ATG5: variants seen among roughly 807,000 people sequenced by gnomAD.
ATG5 encodes the protein autophagy related 5, also known as autophagy protein 5.
Under a neutral mutation model 36.5 loss-of-function variants are expected in ATG5, and 14 were observed. That is an observed-to-expected ratio of 0.38 (90% confidence interval 0.25 to 0.60). The LOEUF is 0.60. ATG5 is among the 20% of genes least tolerant of loss of function. The probability of loss-of-function intolerance (pLI) is 0.60; values close to 1 mark genes in which losing one functional copy is unlikely to be tolerated. For missense variants in ATG5, 195 were observed against 326.7 expected (o/e 0.60, Z 3.11); for synonymous variants, 95 against 101.5 (o/e 0.94, Z 0.38).
intron 1 of ATG5, among the ~76,000 whole-genome samples, chr6:106,319,758 G>A (rs1770993325): frequency 6.6e-6 from 1 of 152,154 alleles, no homozygotes; most frequent in Admixed American, 6.5e-5. Flanking sequence ...ATTCCGTTAG[G>A]GAGAAGGATC....
chr6:106,280,586 A>G (rs1693187629), intron 4 of ATG5, among the ~76,000 whole-genome samples: 1 of 152,282 alleles, frequency 6.6e-6, no homozygotes, highest in African/African-American at 2.4e-5. Flanking sequence ...ATCATTGGAC[A>G]TATAGGGAGT....
intron 5 of ATG5, among the ~76,000 whole-genome samples, chr6:106,277,019 C>T (rs977998243): frequency 6.6e-6 from 1 of 152,044 alleles, no homozygotes; most frequent in African/African-American, 2.4e-5. Context: ...GGAGTGACTC[C>T]ATGTAACCTA....
At chr6:106,200,118 A>G (rs1021867892) in intron 7 of ATG5, among the ~76,000 whole-genome samples, 1 of 152,162 alleles carries the variant, frequency 6.6e-6, no homozygotes, top group Non-Finnish European at 1.5e-5. Context: ...TGCTAGTATA[A>G]GCAAGCATAC....
intron 3 of ATG5, among the ~76,000 whole-genome samples, chr6:106,299,164 G>A (rs531192319): frequency 6.6e-6 from 1 of 152,232 alleles, no homozygotes; most frequent in African/African-American, 2.4e-5. Context: ...GACCTAGCTG[G>A]ATACCAAAAT....
At chr6:106,315,349 A>G (rs1401305046) in intron 2 of ATG5, among the ~76,000 whole-genome samples, 1 of 152,228 alleles carries the variant, frequency 6.6e-6, no homozygotes, top group Non-Finnish European at 1.5e-5. Flanking sequence ...AGTAACGACA[A>G]TTGAGAATAT....
At chr6:106,213,295 T>G (rs181330220) in intron 6 of ATG5, among the ~76,000 whole-genome samples, 1 of 152,274 alleles carries the variant, frequency 6.6e-6, no homozygotes, top group Admixed American at 6.5e-5. Context: ...ATGAAAAAAA[T>G]TACAAAGCTT....
intron 6 of ATG5, among the ~76,000 whole-genome samples, chr6:106,247,798 G>C (rs1256773151): frequency 1.3e-5 from 2 of 152,212 alleles, no homozygotes; most frequent in African/African-American, 2.4e-5. Flanking sequence ...CAAGAAGGTA[G>C]AGCCTCGCTT....
At chr6:106,294,417 T>C (rs571973820) in intron 3 of ATG5, among the ~76,000 whole-genome samples, 1 of 151,586 alleles carries the variant, frequency 6.6e-6, no homozygotes, top group South Asian at 2.1e-4. Context: ...TATATAAACA[T>C]AGATATATGT....
rs1582520040 is a variant in ATG5 at position 106,186,486 on chromosome 6, T to C, written c.*54A>G. On this transcript the variant is annotated 3_prime_UTR_variant, in exon 8 of 8. Coordinates refer to ENST00000369076, the MANE Select transcript of ATG5 (RefSeq NM_004849.4). ...ACCTGATTGAAGCAAAAGGGTGACA[T>C]GCTCTGATAAATCCCATTTAAGGAT... 1 of 1,595,396 alleles carries C rather than the reference T, an allele frequency of 6.3e-7. No individual in the cohort carries two copies. Among genetic ancestry groups the C allele is most frequent in the East Asian group, 2.2e-5 (1 of 44,702 alleles).
chr6:106,322,059 T>G (rs1019891880), intron 1 of ATG5, among the ~76,000 whole-genome samples: 1 of 152,174 alleles, frequency 6.6e-6, no homozygotes, highest in African/African-American at 2.4e-5. Flanking sequence ...CACTACACCA[T>G]CCAATCACCA....
intron 6 of ATG5, among the ~76,000 whole-genome samples, chr6:106,225,532 C>T (rs1165702402): frequency 6.6e-5 from 10 of 152,094 alleles, no homozygotes; most frequent in Admixed American, 5.2e-4. Context: ...CAAATTTCAA[C>T]AAAATCCATT....
Position 106,185,783 on chromosome 6 carries a change from C to T in ATG5, c.*757G>A, listed in dbSNP as rs1775741291. 1 of 152,342 alleles carries T rather than the reference C, an allele frequency of 6.6e-6. No individual in the cohort carries two copies. The highest frequency in any genetic ancestry group is 2.4e-5 in the African/African-American group (1 of 41,444). The allele number at this position is 152,342 out of a possible 1,614,324, so 9.4% of individuals were successfully genotyped here. ...TTGGCAGCAAGAAATTCTATGACAGCTTCTGAGACAAGTAATCCTATGCCC... is the reference window on the plus strand; with the variant it reads ...TTGGCAGCAAGAAATTCTATGACAGTTTCTGAGACAAGTAATCCTATGCCC... On this transcript the variant is annotated 3_prime_UTR_variant, in exon 8 of 8. Transcript: ENST00000369076.
At chr6:106,225,817 TC>T (rs1777432469) in intron 6 of ATG5, among the ~76,000 whole-genome samples, 1 of 152,122 alleles carries the variant, frequency 6.6e-6, no homozygotes. Flanking sequence ...TTGTGGAAAA[TC>T]AGTGGCAATT....
chr6:106,185,315 G>A lies in ATG5; in HGVS notation c.*1225C>T, dbSNP rs1482538191. On this transcript the variant is annotated 3_prime_UTR_variant, in exon 8 of 8. Coordinates refer to ENST00000369076, the MANE Select transcript of ATG5 (RefSeq NM_004849.4). ...ACCATGATCGTGTCTGATACTGTAA[G>A]CCTTTTAGCGTACTCAAATGGGTCA... 1 of 152,678 alleles carries A rather than the reference G, an allele frequency of 6.5e-6. No individual in the cohort carries two copies. The highest frequency in any genetic ancestry group is 1.5e-5 in the Non-Finnish European group (1 of 68,006). The allele number at this position is 152,678 out of a possible 1,614,324, so 9.5% of individuals were successfully genotyped here.
chr6:106,300,848 A>G (rs1770179577), intron 3 of ATG5, among the ~76,000 whole-genome samples: 1 of 152,094 alleles, frequency 6.6e-6, no homozygotes, highest in Non-Finnish European at 1.5e-5. Context: ...CAATTCAAAA[A>G]GTAATTTCAA....
intron 2 of ATG5, among the ~76,000 whole-genome samples, chr6:106,314,862 T>G (rs1391600692): frequency 6.6e-6 from 1 of 152,204 alleles, no homozygotes; most frequent in Non-Finnish European, 1.5e-5. Context: ...CAGAAAACGG[T>G]TGATATTTCC....
chr6:106,239,953 A>G (rs1778051980), intron 6 of ATG5, among the ~76,000 whole-genome samples: 1 of 152,184 alleles, frequency 6.6e-6, no homozygotes, highest in Non-Finnish European at 1.5e-5. Flanking sequence ...AAGATCAGCT[A>G]TCTCATAGAC....
chr6:106,238,187 T>C lies in ATG5; in HGVS notation c.573+9963A>G, dbSNP rs539143869. Among the ~76,000 whole-genome samples, 5 of 152,340 alleles carry C rather than the reference T, an allele frequency of 3.3e-5. No individual in the cohort carries two copies. In the East Asian group the frequency reaches 9.6e-4, roughly 29 times the overall value. On this transcript the variant is annotated intron_variant, in intron 6 of 7. Transcript: ENST00000369076. ...AAAACTTTTATTTACTTTTATTTTTTAGAGACGGAGTCTTGCTCTGTAGCC... is the reference window on the plus strand; with the variant it reads ...AAAACTTTTATTTACTTTTATTTTTCAGAGACGGAGTCTTGCTCTGTAGCC...
intron 6 of ATG5, among the ~76,000 whole-genome samples, chr6:106,222,634 GC>G (rs1225484219): frequency 6.6e-6 from 1 of 152,088 alleles, no homozygotes; most frequent in Non-Finnish European, 1.5e-5. Context: ...GACAGAAGAG[GC>G]ATAAAAAATA....
Sources: gnomAD v4.1 joint callset for allele counts (sites outside exome capture counted in the v4.1 genomes callset) on GRCh38, gnomAD v4.1.1 for gene constraint, MANE v1.5 for transcripts, NCBI Gene and HGNC (gene_info 2026-07-23, HGNC 2026-07-21) for gene names.